Variants in CAMK1D observed in about 807,000 individuals in gnomAD.
The protein encoded by CAMK1D is calcium/calmodulin dependent protein kinase ID, also known as calcium/calmodulin-dependent protein kinase type 1D.
CAMK1D carries 9 observed loss-of-function variants against 47.7 expected under a neutral mutation model. That is an observed-to-expected ratio of 0.19 (90% CI 0.11 to 0.33). The LOEUF (loss-of-function observed/expected upper bound fraction) is 0.33, where lower values mean the gene tolerates loss of function less well. Among genes scored for constraint, CAMK1D ranks in the 10% least tolerant of loss-of-function variants. The pLI, the probability that CAMK1D is intolerant of heterozygous loss-of-function variation, is 1.00. For missense variants in CAMK1D, 291 were observed against 488.7 expected, an observed-to-expected ratio of 0.60 and a Z score of 3.81; for synonymous variants, 184 against 184.9, an observed-to-expected ratio of 0.99 and a Z score of 0.04.
At chr10:12,441,355 C>T (rs1377893794) in intron 1 of CAMK1D, among the ~76,000 whole-genome samples, 1 of 152,122 alleles carries the variant, frequency 6.6e-6, no homozygotes, top group East Asian at 2.0e-4. Flanking sequence ...ATGCGACAGG[C>T]CTGGCTAGTT....
At chr10:12,709,452 A>G (rs1018234057) in intron 3 of CAMK1D, among the ~76,000 whole-genome samples, 2 of 152,208 alleles carry the variant, frequency 1.3e-5, no homozygotes, top group Non-Finnish European at 2.9e-5. Flanking sequence ...AAGGAGGGAA[A>G]ATGAAAATAT....
At chr10:12,752,249 A>G (rs2130880443) in intron 3 of CAMK1D, among the ~76,000 whole-genome samples, 1 of 152,308 alleles carries the variant, frequency 6.6e-6, no homozygotes, top group African/African-American at 2.4e-5. Flanking sequence ...CTGGGCGGAC[A>G]GCACCCAGAG....
chr10:12,611,322 A>G (rs762737549), intron 2 of CAMK1D, among the ~76,000 whole-genome samples: 13 of 152,152 alleles, frequency 8.5e-5, no homozygotes, highest in Non-Finnish European at 1.3e-4. Flanking sequence ...AACAGAGGCC[A>G]TCCTAGAGCC....
chr10:12,600,779 T>C (rs779080274), intron 2 of CAMK1D, among the ~76,000 whole-genome samples: 2 of 152,236 alleles, frequency 1.3e-5, no homozygotes, highest in Non-Finnish European at 2.9e-5. Context: ...TGCCCTCCCA[T>C]TCTTCTACCC....
intron 1 of CAMK1D, among the ~76,000 whole-genome samples, chr10:12,500,915 C>T (rs1343080145): frequency 2.0e-5 from 3 of 152,242 alleles, no homozygotes; most frequent in Non-Finnish European, 4.4e-5. Flanking sequence ...GCATAGATTG[C>T]TTCAGTGCAG....
At chr10:12,481,114 G>A (rs75069439) in intron 1 of CAMK1D, among the ~76,000 whole-genome samples, 6,658 of 152,230 alleles carry the variant, frequency 0.044, 524 homozygotes, top group East Asian at 0.39. Context: ...CTACTAAGAC[G>A]TGGGCATAAT....
chr10:12,813,362 C>T (rs376033130), intron 6 of CAMK1D, among the ~76,000 whole-genome samples: 23 of 152,162 alleles, frequency 1.5e-4, no homozygotes, highest in Non-Finnish European at 1.5e-4. Context: ...TGAAACTCAA[C>T]GTCATAAAAT....
At chr10:12,488,440 A>G (rs1834279638) in intron 1 of CAMK1D, among the ~76,000 whole-genome samples, 2 of 152,116 alleles carry the variant, frequency 1.3e-5, no homozygotes, top group Non-Finnish European at 2.9e-5. Flanking sequence ...ATTTTCATGA[A>G]TACAGACTGT....
At chr10:12,439,314 C>T (rs567743606) in intron 1 of CAMK1D, among the ~76,000 whole-genome samples, 86 of 152,282 alleles carry the variant, frequency 5.6e-4, no homozygotes, top group African/African-American at 2.0e-3. Flanking sequence ...TCGAAAACTC[C>T]CATCTGTGGG....
chr10:12,581,681 A>G (rs1046767600), intron 2 of CAMK1D, among the ~76,000 whole-genome samples: 1 of 152,092 alleles, frequency 6.6e-6, no homozygotes. Context: ...GGCCATTTGT[A>G]TACCTTCTTT....
intron 3 of CAMK1D, among the ~76,000 whole-genome samples, chr10:12,738,029 T>A (rs1224230489): frequency 6.6e-6 from 1 of 152,212 alleles, no homozygotes; most frequent in East Asian, 1.9e-4. Flanking sequence ...GAAGAAATAT[T>A]TGTAAGATCT....
At chr10:12,653,267 C>G (rs1408432429) in intron 2 of CAMK1D, 1 of 153,466 alleles carries the variant, frequency 6.5e-6, no homozygotes, top group East Asian at 1.9e-4. Context: ...ATTCAGTCAC[C>G]TCTAAAAGGC....
chr10:12,826,642 C>G (rs1208793569), intron 10 of CAMK1D, among the ~76,000 whole-genome samples: 1 of 152,182 alleles, frequency 6.6e-6, no homozygotes, highest in Non-Finnish European at 1.5e-5. Flanking sequence ...GCAGCCTGGT[C>G]TCACCCTGGG....
intron 2 of CAMK1D, among the ~76,000 whole-genome samples, chr10:12,647,883 G>A (rs1393197862): frequency 6.6e-6 from 1 of 152,172 alleles, no homozygotes; most frequent in Non-Finnish European, 1.5e-5. Context: ...CCCTCCTCCT[G>A]AGAGCCGGCA....
chr10:12,629,212 T>TA, intron 2 of CAMK1D, among the ~76,000 whole-genome samples: 1 of 152,290 alleles, frequency 6.6e-6, no homozygotes, highest in East Asian at 1.9e-4. Context: ...GTAATCTTCT[T>TA]AGAGAGCAAA....
intron 6 of CAMK1D, among the ~76,000 whole-genome samples, chr10:12,801,299 A>G (rs866735322): frequency 7.1e-5 from 6 of 84,274 alleles, no homozygotes; most frequent in African/African-American, 3.0e-4. Context: ...CTGTGTGTGT[A>G]TCTATCTATC....
At position 12,515,358 on chromosome 10, in the gene CAMK1D, G is replaced by A. The variant is rs765312102; in HGVS notation, c.93-37867G>A. ...AACTATCTGTCCAGCCCGAAGCCTC[G>A]GCAGCCTTTCTCTATAGTTCGCTTT... On this transcript the variant is annotated intron_variant, in intron 1 of 10. Transcript: ENST00000619168. Among the ~76,000 whole-genome samples, 6 of 149,410 alleles carry A rather than the reference G, an allele frequency of 4.0e-5. No homozygotes were observed. In the South Asian group the frequency reaches 6.3e-4, roughly 16 times the overall value.
intron 2 of CAMK1D, among the ~76,000 whole-genome samples, chr10:12,659,822 T>C (rs528402981): frequency 7.2e-5 from 11 of 152,328 alleles, no homozygotes; most frequent in African/African-American, 2.6e-4. Flanking sequence ...TGGTGGGTAG[T>C]GAAAGACCTG....
At chr10:12,635,848 T>C (rs936861697) in intron 2 of CAMK1D, among the ~76,000 whole-genome samples, 6 of 152,250 alleles carry the variant, frequency 3.9e-5, no homozygotes, top group African/African-American at 1.4e-4. Flanking sequence ...TGATACTCCA[T>C]TGAGCATTTT....
Sources: allele counts gnomAD v4.1 joint callset (sites outside exome capture counted in the v4.1 genomes callset), GRCh38; gene constraint gnomAD v4.1.1; transcripts MANE v1.5; gene names NCBI Gene and HGNC (gene_info 2026-07-23, HGNC 2026-07-21).